The following ENOX1 variants were observed in gnomAD, a reference collection of about 807,000 sequenced individuals.
ENOX1 encodes the protein candidate growth-related and time keeping constitutive hydroquinone (NADH) oxidase.
A neutral mutation model predicts 82.5 loss-of-function variants in ENOX1; 42 were observed. The observed-to-expected ratio is 0.51, with a 90% CI of 0.40 to 0.66. ENOX1 has a LOEUF of 0.66. Ranked by LOEUF, ENOX1 falls within the 30% of genes least tolerant of loss-of-function variation. The pLI, the probability that ENOX1 is intolerant of heterozygous loss-of-function variation, is 0.00. For synonymous variants in ENOX1, 271 were observed against 282.2 expected (o/e 0.96, Z 0.40); for missense variants, 608 against 811.6 (o/e 0.75, Z 3.05).
At chr13:43,324,715 A>G (rs1279699052) in intron 10 of ENOX1, among the ~76,000 whole-genome samples, 1 of 151,662 alleles carries the variant, frequency 6.6e-6, no homozygotes, top group African/African-American at 2.4e-5. Flanking sequence ...CTGGAGCATC[A>G]TTTCTGTCTC....
chr13:43,667,719 G>C (rs1367535787), intron 1 of ENOX1, among the ~76,000 whole-genome samples, 175 bp from the exon 2 acceptor site: 1 of 152,184 alleles, frequency 6.6e-6, no homozygotes, highest in Non-Finnish European at 1.5e-5. Context: ...TCTCCGCATG[G>C]TGCTAACTTG....
chr13:43,284,235 G>C (rs1327832042), intron 12 of ENOX1, among the ~76,000 whole-genome samples: 1 of 152,074 alleles, frequency 6.6e-6, no homozygotes, highest in African/African-American at 2.4e-5. Context: ...AAGTTAAGTG[G>C]CACTGAAGAT....
rs963462875 is a variant in ENOX1 at position 43,641,964 on chromosome 13, G to A, written c.-219+25515C>T. 3.3e-5 allele frequency among the ~76,000 whole-genome samples: 5 copies of A among 152,288 alleles called. 1 individual carries two copies. Among genetic ancestry groups the A allele is most frequent in the African/African-American group, 1.2e-4 (5 of 41,554 alleles). On this transcript the variant is annotated intron_variant, in intron 2 of 16. Coordinates refer to ENST00000690772, the MANE Select transcript of ENOX1 (RefSeq NM_001347969.2). The stretch of plus-strand genomic sequence containing the variant: ...GAAACAACATGATGATAATAGTCAT[G>A]TTAACATTTATTGACTACTTACTAC...
At chr13:43,733,907 T>A (rs2089474868) in intron 1 of ENOX1, among the ~76,000 whole-genome samples, 1 of 152,064 alleles carries the variant, frequency 6.6e-6, no homozygotes, top group South Asian at 2.1e-4. Flanking sequence ...TACAGTGAGC[T>A]ATGACTGTGC....
intron 1 of ENOX1, among the ~76,000 whole-genome samples, chr13:43,699,482 T>G (rs924566404): frequency 6.6e-6 from 1 of 152,210 alleles, no homozygotes; most frequent in Non-Finnish European, 1.5e-5. Flanking sequence ...GCTTTTTGAA[T>G]GAGCTGAAAA....
intron 2 of ENOX1, among the ~76,000 whole-genome samples, chr13:43,495,432 T>G (rs1326328190): frequency 1.3e-5 from 2 of 152,158 alleles, no homozygotes; most frequent in Non-Finnish European, 2.9e-5. Flanking sequence ...ATAGCATATG[T>G]TCTTTTATGC....
intron 1 of ENOX1, among the ~76,000 whole-genome samples, chr13:43,754,133 C>T (rs942853279): frequency 2.5e-4 from 22 of 87,256 alleles, no homozygotes; most frequent in Middle Eastern, 6.2e-3. Flanking sequence ...TACGTATATA[C>T]GTATATACAC....
At chr13:43,689,883 T>C (rs1472300965) in intron 1 of ENOX1, among the ~76,000 whole-genome samples, 5 of 152,072 alleles carry the variant, frequency 3.3e-5, no homozygotes, top group African/African-American at 1.2e-4. Flanking sequence ...ACCCAAACCA[T>C]CCCACTTTGC....
At chr13:43,230,652 G>C (rs1223916177) in intron 15 of ENOX1, among the ~76,000 whole-genome samples, 1 of 152,092 alleles carries the variant, frequency 6.6e-6, no homozygotes, top group Non-Finnish European at 1.5e-5. Flanking sequence ...TTGGATAAGT[G>C]ATTTGCCTTA....
intron 2 of ENOX1, among the ~76,000 whole-genome samples, chr13:43,542,853 T>C (rs2078802799): frequency 6.6e-6 from 1 of 152,196 alleles, no homozygotes; most frequent in Non-Finnish European, 1.5e-5. Context: ...ATTCAATTCC[T>C]AGTGAGGGCT....
At chr13:43,500,394 A>T (rs752637130) in intron 2 of ENOX1, among the ~76,000 whole-genome samples, 1 of 152,130 alleles carries the variant, frequency 6.6e-6, no homozygotes, top group Non-Finnish European at 1.5e-5. Context: ...TTTTCAGCAG[A>T]AATGTTGCAG....
intron 9 of ENOX1, among the ~76,000 whole-genome samples, chr13:43,341,011 C>T (rs955989336): frequency 1.3e-5 from 2 of 152,122 alleles, no homozygotes; most frequent in Admixed American, 1.3e-4. Context: ...CATAAAGATT[C>T]AGTGGGCTGG....
chr13:43,631,532 G>T (rs184153414), intron 2 of ENOX1, among the ~76,000 whole-genome samples: 79 of 152,194 alleles, frequency 5.2e-4, no homozygotes, highest in Non-Finnish European at 1.0e-3. Flanking sequence ...TGTTTCCTCT[G>T]GTTTGTACTC....
intron 14 of ENOX1, among the ~76,000 whole-genome samples, chr13:43,251,472 A>T (rs2043452500): frequency 6.6e-6 from 1 of 152,250 alleles, no homozygotes; most frequent in South Asian, 2.1e-4. Flanking sequence ...CAAGGAATAC[A>T]TACAAATTCT....
chr13:43,424,747 C>T lies in ENOX1; in HGVS notation c.-74-11759G>A, dbSNP rs1318852419. On this transcript the variant is annotated intron_variant, in intron 3 of 16. Coordinates refer to ENST00000690772, the MANE Select transcript of ENOX1 (RefSeq NM_001347969.2). ...ATAGCCCTTGCTCATGCTCTGTAAC[C>T]AGTGAGCAAGAACAGTGGAGCCTTG... 2.0e-5 allele frequency among the ~76,000 whole-genome samples: 3 copies of T among 152,136 alleles called. No homozygotes were observed. The East Asian group carries it at 5.8e-4, about 29-fold the overall frequency.
At chr13:43,541,983 A>G (rs2078750026) in intron 2 of ENOX1, among the ~76,000 whole-genome samples, 2 of 152,212 alleles carry the variant, frequency 1.3e-5, no homozygotes, top group African/African-American at 4.8e-5. Flanking sequence ...GTTTCTGAAC[A>G]CTAGAAAAGC....
chr13:43,592,989 A>G (rs2081309328), intron 2 of ENOX1, among the ~76,000 whole-genome samples: 1 of 152,264 alleles, frequency 6.6e-6, no homozygotes, highest in African/African-American at 2.4e-5. Flanking sequence ...TCTCAAAAAT[A>G]TCAGTAACTA....
chr13:43,674,549 G>A (rs1284582021), intron 1 of ENOX1, among the ~76,000 whole-genome samples: 4 of 152,048 alleles, frequency 2.6e-5, no homozygotes, highest in African/African-American at 4.8e-5. Context: ...TGGAGACAGT[G>A]AAAATATCCA....
intron 2 of ENOX1, among the ~76,000 whole-genome samples, chr13:43,610,244 GATAA>G (rs2082141924): frequency 6.6e-6 from 1 of 152,162 alleles, no homozygotes. Context: ...TTTTGCAGGT[GATAA>G]ATAAATTGTA....
Sources: gnomAD v4.1 joint callset for allele counts (sites outside exome capture counted in the v4.1 genomes callset) on GRCh38, gnomAD v4.1.1 for gene constraint, MANE v1.5 for transcripts, NCBI Gene and HGNC (gene_info 2026-07-23, HGNC 2026-07-21) for gene names.